The following SLC9C1 variants were observed in gnomAD, a reference collection of about 807,000 sequenced individuals.
SLC9C1 encodes the protein solute carrier family 9 member C1.
Under a neutral mutation model 140.9 loss-of-function variants are expected in SLC9C1, and 97 were observed. The observed-to-expected ratio is 0.69, with a 90% CI of 0.58 to 0.82. The LOEUF (loss-of-function observed/expected upper bound fraction) is 0.82, where lower values mean the gene tolerates loss of function less well. Ranked by LOEUF, SLC9C1 falls within the 40% of genes least tolerant of loss-of-function variation. The pLI is 0.00. For synonymous variants in SLC9C1, 440 were observed against 442.6 expected (o/e 0.99, Z 0.07); for missense variants, 1,340 against 1,389.3 (o/e 0.96, Z 0.56).
rs199993831 is a variant in SLC9C1, at chr3:112,269,986, T to C, written c.705A>G (p.Ser235=). 31 of 1,601,452 alleles carry C rather than the reference T, an allele frequency of 1.9e-5. No homozygotes were observed. In the Admixed American group the frequency reaches 4.3e-4, roughly 22 times the overall value. ...LSSKLIQFWM[S]TVFGDDVNHI... is the part of the protein sequence containing the mutation. Reference sequence around the variant, plus strand: ...GATTGACATCATCACCAAAAACAGTTGACATCCAAAATTGAATCAGTTTTG... The same window carrying C: ...GATTGACATCATCACCAAAAACAGTCGACATCCAAAATTGAATCAGTTTTG... The change falls in exon 7 of 29, where the codon TCA becomes TCG. Residue 235 remains serine (S), a synonymous_variant. Coordinates refer to ENST00000305815, the MANE Select transcript of SLC9C1 (RefSeq NM_183061.3).
intron 7 of SLC9C1, among the ~76,000 whole-genome samples, chr3:112,267,310 CTCACG>C: frequency 6.6e-6 from 1 of 151,982 alleles, no homozygotes; most frequent in Non-Finnish European, 1.5e-5. Context: ...GGCGTGGTGG[CTCACG>C]CCTGTAATCC....
At chr3:112,169,130 C>A in intron 24 of SLC9C1, 67 bp downstream of exon 24, 2 of 1,576,818 alleles carry the variant, frequency 1.3e-6, no homozygotes, top group South Asian at 2.4e-5. Flanking sequence ...CATAAATAGT[C>A]AATTATAATG....
chr3:112,169,340 G>A lies in SLC9C1; in HGVS notation c.2920-12C>T. ...GGAATAAAACATGTCTGGAAAAGAA[G>A]GATGTAAATTTGATATTTTATTTTG... is the stretch of plus-strand genomic sequence containing the variant. On this transcript the variant is annotated splice_polypyrimidine_tract_variant and intron_variant, in intron 23 of 28. Transcript: ENST00000305815. 1 of 1,598,538 alleles carries A rather than the reference G, an allele frequency of 6.3e-7. No individual in the cohort carries two copies.
chr3:112,191,675 G>A (rs904704079), intron 20 of SLC9C1, among the ~76,000 whole-genome samples: 6 of 152,058 alleles, frequency 3.9e-5, no homozygotes, highest in African/African-American at 1.2e-4. Flanking sequence ...ATCTGGCTTT[G>A]ATATCAGAAT....
At chr3:112,224,015 C>CAA (rs1476784633) in intron 13 of SLC9C1, among the ~76,000 whole-genome samples, 1 of 152,204 alleles carries the variant, frequency 6.6e-6, no homozygotes, top group Admixed American at 6.6e-5. Flanking sequence ...ACCCTGTCCT[C>CAA]AAAGTAGTAG....
intron 20 of SLC9C1, among the ~76,000 whole-genome samples, chr3:112,187,795 T>G (rs973694988): frequency 1.3e-5 from 2 of 152,118 alleles, no homozygotes; most frequent in African/African-American, 2.4e-5. Context: ...TGCATATATT[T>G]GTCTAGATTA....
At chr3:112,260,727 A>T (rs547512281) in intron 10 of SLC9C1, among the ~76,000 whole-genome samples, 1 of 152,038 alleles carries the variant, frequency 6.6e-6, no homozygotes, top group Non-Finnish European at 1.5e-5. Flanking sequence ...AACTTAACCT[A>T]TGTGGTTTTC....
At chr3:112,202,143 G>T in intron 18 of SLC9C1, 107 bp downstream of exon 18, 1 of 1,243,180 alleles carries the variant, frequency 8.0e-7, no homozygotes, top group Non-Finnish European at 1.1e-6. Flanking sequence ...AAATGAATTA[G>T]AAAACCAGGA....
intron 13 of SLC9C1, among the ~76,000 whole-genome samples, chr3:112,229,353 C>A (rs142380673): frequency 6.6e-6 from 1 of 152,042 alleles, no homozygotes; most frequent in East Asian, 1.9e-4. Context: ...CCGAAAGAAA[C>A]AATAAAGGTT....
intron 6 of SLC9C1, among the ~76,000 whole-genome samples, chr3:112,272,058 C>T (rs2080093026): frequency 6.6e-6 from 1 of 152,076 alleles, no homozygotes; most frequent in Admixed American, 6.6e-5. Context: ...ACAGGGAGCC[C>T]AAGGCCATCA....
At chr3:112,281,278 T>A (rs2080350769) in intron 2 of SLC9C1, among the ~76,000 whole-genome samples, 2 of 152,184 alleles carry the variant, frequency 1.3e-5, no homozygotes, top group African/African-American at 4.8e-5. Flanking sequence ...ACCATCGCCC[T>A]TCTTGTAAGG....
intron 12 of SLC9C1, 47 bp from the exon 13 acceptor site, chr3:112,231,533 A>T (rs1354229391): frequency 6.5e-7 from 1 of 1,533,988 alleles, no homozygotes; most frequent in East Asian, 2.4e-5. Flanking sequence ...GAATATTAAC[A>T]TATTGTTTAG....
At chr3:112,181,983 A>G (rs1015097278) in intron 21 of SLC9C1, 150 bp downstream of exon 21, 3 of 718,564 alleles carry the variant, frequency 4.2e-6, no homozygotes, top group African/African-American at 3.7e-5. Flanking sequence ...AACATTTTGC[A>G]TATTATTCAA....
intron 20 of SLC9C1, among the ~76,000 whole-genome samples, chr3:112,182,572 C>T (rs1312900777): frequency 6.6e-6 from 1 of 151,846 alleles, no homozygotes. Flanking sequence ...GGTAGTTTTC[C>T]CTATGATCAT....
Position 112,193,106 on chromosome 3 carries a change from G to A in SLC9C1, c.2523+6215C>T, listed in dbSNP as rs183768443. Among the ~76,000 whole-genome samples the A allele has an allele frequency of 6.3e-4, 96 of 152,312 alleles. 2 individuals are homozygous for A. The South Asian group carries it at 0.017, about 26-fold the overall frequency. ...TTTGTTCCAACTGGAATCCATACTC[G>A]TGAATTTTGCAAGTGTTTCAGTGGC... is the stretch of plus-strand genomic sequence containing the variant. On this transcript the variant is annotated intron_variant, in intron 20 of 28. Transcript: ENST00000305815.
At chr3:112,207,470 G>A (rs1285344910) in intron 16 of SLC9C1, among the ~76,000 whole-genome samples, 1 of 152,090 alleles carries the variant, frequency 6.6e-6, no homozygotes, top group Non-Finnish European at 1.5e-5. Flanking sequence ...GAGACAGCAT[G>A]GCCTGCCCTT....
intron 12 of SLC9C1, among the ~76,000 whole-genome samples, chr3:112,235,191 T>A (rs1230014875): frequency 1.1e-5 from 1 of 93,846 alleles, no homozygotes; most frequent in African/African-American, 3.4e-5. Flanking sequence ...GTCCTTCACA[T>A]CCCTTGTAAG....
At chr3:112,283,505 T>C (rs2080416807) in intron 2 of SLC9C1, among the ~76,000 whole-genome samples, 1 of 151,958 alleles carries the variant, frequency 6.6e-6, no homozygotes, top group East Asian at 1.9e-4. Flanking sequence ...AGAATGTCTT[T>C]GTTCTATGCA....
At chr3:112,153,334 A>G (rs2075036482) in intron 27 of SLC9C1, among the ~76,000 whole-genome samples, 1 of 143,882 alleles carries the variant, frequency 7.0e-6, no homozygotes, top group African/African-American at 2.6e-5. Context: ...AATCCCTCCA[A>G]ATATGCTATT....
Sources: gnomAD v4.1 joint callset for allele counts (sites outside exome capture counted in the v4.1 genomes callset) on GRCh38, gnomAD v4.1.1 for gene constraint, MANE v1.5 for transcripts, NCBI Gene and HGNC (gene_info 2026-07-23, HGNC 2026-07-21) for gene names.